The following ANK3 variants were observed in gnomAD, a reference collection of about 807,000 sequenced individuals.
The protein encoded by ANK3 is ankyrin 3, also known as ankyrin-3.
A neutral mutation model predicts 370.9 loss-of-function variants in ANK3; 57 were observed. The ratio of observed to expected loss-of-function variants is 0.15; its 90% CI spans 0.12 to 0.19. The LOEUF (loss-of-function observed/expected upper bound fraction) is 0.19, where lower values mean the gene tolerates loss of function less well. Ranked by LOEUF, ANK3 falls within the 10% of genes least tolerant of loss-of-function variation. The probability of loss-of-function intolerance (pLI) is 1.00; values close to 1 mark genes in which losing one functional copy is unlikely to be tolerated. For missense variants in ANK3, 4,439 were observed against 5,302.1 expected, an observed-to-expected ratio of 0.84 and a Z score of 5.06; for synonymous variants, 1,929 against 1,946.3, an observed-to-expected ratio of 0.99 and a Z score of 0.23.
intron 43 of ANK3, among the ~76,000 whole-genome samples, chr10:60,039,012 T>G (rs1288690540): frequency 6.6e-6 from 1 of 152,198 alleles, no homozygotes; most frequent in Non-Finnish European, 1.5e-5. Flanking sequence ...TTACATTCTT[T>G]CATTGGATCC....
chr10:60,235,512 AATGTACGCATAC>A (rs1050532079), intron 7 of ANK3, among the ~76,000 whole-genome samples: 14 of 151,268 alleles, frequency 9.3e-5, no homozygotes, highest in Admixed American at 9.2e-4. Context: ...CTGTCAAGGA[AATGTACGCATAC>A]ATCAAAAACA....
rs574174376 is a variant in ANK3, at chr10:60,033,843, G to T, written c.*20-4017C>A. 7.3e-5 allele frequency among the ~76,000 whole-genome samples: 11 copies of T among 151,420 alleles called. 1 individual carries two copies. In the South Asian group the frequency reaches 2.3e-3, roughly 32 times the overall value. ...TCTCCAGTGGTTCTCAAACTTGGTT[G>T]CACATTAGACTTACCTGGGAAGATT... On this transcript the variant is annotated intron_variant, in intron 43 of 43. Transcript: ENST00000280772.
chr10:60,514,253 T>A (rs1438893450), intron 2 of ANK3, among the ~76,000 whole-genome samples: 3 of 152,152 alleles, frequency 2.0e-5, no homozygotes, highest in African/African-American at 7.2e-5. Context: ...CAAGAGTTTT[T>A]ACTGTGCAGG....
chr10:60,335,832 A>G (rs750064359), intron 1 of ANK3, among the ~76,000 whole-genome samples: 9 of 152,152 alleles, frequency 5.9e-5, no homozygotes, highest in Non-Finnish European at 1.2e-4. Flanking sequence ...ATTATGCCCA[A>G]TTTACCAATG....
chr10:60,323,602 G>C (rs995530200), intron 1 of ANK3, among the ~76,000 whole-genome samples: 3 of 152,120 alleles, frequency 2.0e-5, no homozygotes, highest in Admixed American at 1.3e-4. Context: ...AAATTTGGTA[G>C]TTATCAATAT....
intron 2 of ANK3, among the ~76,000 whole-genome samples, chr10:60,453,034 G>GT (rs1385783693): frequency 2.0e-4 from 30 of 152,320 alleles, no homozygotes; most frequent in African/African-American, 7.2e-4. Flanking sequence ...CCAATTTGTA[G>GT]TTTTAAAGAA....
intron 1 of ANK3, among the ~76,000 whole-genome samples, chr10:60,689,322 C>T (rs772882001): frequency 1.2e-4 from 19 of 152,116 alleles, no homozygotes; most frequent in Admixed American, 2.6e-4. Flanking sequence ...TCACTTGAGC[C>T]TGGAAGGTCG....
rs1555028777 is a variant in ANK3, at chr10:60,158,685, C to CTTTTTCTTTTTT, written c.2614+7905_2614+7906insAAAAAAGAAAAA. Reference sequence around the variant, plus strand: ...TACTACAAGAGAAAGCACTTTTTTTCTTTTTTTTGAGACAGAATCTCATTC... The same window carrying CTTTTTCTTTTTT: ...TACTACAAGAGAAAGCACTTTTTTTCTTTTTCTTTTTTTTTTTTTTGAGACAGAATCTCATTC... On this transcript the variant is annotated intron_variant, in intron 23 of 43. Transcript: ENST00000280772. 2.7e-3 allele frequency among the ~76,000 whole-genome samples: 355 copies of CTTTTTCTTTTTT among 132,754 alleles called. 3 individuals carry two copies. Among genetic ancestry groups the CTTTTTCTTTTTT allele is most frequent in the Middle Eastern group, 4.2e-3 (1 of 236 alleles). The allele number at this position is 132,754 out of a possible 152,430, so 87.1% of individuals were successfully genotyped here.
At chr10:60,343,088 C>T (rs142254610) in intron 1 of ANK3, among the ~76,000 whole-genome samples, 6 of 152,256 alleles carry the variant, frequency 3.9e-5, no homozygotes, top group Non-Finnish European at 8.8e-5. Flanking sequence ...GACACATACT[C>T]GTGGGTGAGT....
intron 2 of ANK3, among the ~76,000 whole-genome samples, chr10:60,487,768 G>A (rs2075387772): frequency 6.7e-6 from 1 of 148,404 alleles, no homozygotes. Context: ...AGGTTGGAGT[G>A]CCATAGCGCG....
chr10:60,425,889 CA>C (rs1188583987), intron 2 of ANK3, among the ~76,000 whole-genome samples: 3 of 152,030 alleles, frequency 2.0e-5, no homozygotes, highest in Non-Finnish European at 4.4e-5. Flanking sequence ...TAGTCTTTGC[CA>C]ATTACCACGG....
chr10:60,250,510 G>T (rs188897924), intron 7 of ANK3, among the ~76,000 whole-genome samples: 1 of 152,078 alleles, frequency 6.6e-6, no homozygotes, highest in African/African-American at 2.4e-5. Context: ...GACTACAGGT[G>T]CCTGCCACCA....
Position 60,071,514 on chromosome 10 carries a change from T to C in ANK3, c.9367A>G (p.Lys3123Glu). 1 of 1,614,118 alleles carries C rather than the reference T, an allele frequency of 6.2e-7. No individual in the cohort carries two copies. Among genetic ancestry groups the C allele is most frequent in the Non-Finnish European group, 8.5e-7 (1 of 1,179,984 alleles). Reference protein sequence around the residue: ...GVKKIISQECKTVQETRGTFY... With the variant: ...GVKKIISQECETVQETRGTFY... ...GTCCCCCTGGTTTCTTGTACTGTCT[T>C]ACATTCCTGACTTATGATTTTTTTT... The change falls in exon 37 of 44, where the codon AAG becomes GAG. Residue 3123 changes from lysine to glutamate, a missense_variant. This residue lies in a region of ANK3 where 1,601 missense variants were observed against 1,731.7 expected (regional missense o/e 0.92). Coordinates refer to ENST00000280772, the MANE Select transcript of ANK3 (RefSeq NM_020987.5).
At position 60,028,231 on chromosome 10, in the gene ANK3, G is replaced by T. The variant is rs1016146910; in HGVS notation, c.*1615C>A. 3.3e-5 allele frequency: 5 copies of T among 152,408 alleles called. No individual in the cohort carries two copies. The highest frequency in any genetic ancestry group is 1.2e-4 in the African/African-American group (5 of 41,450). The allele number at this position is 152,408 out of a possible 1,614,324, so 9.4% of individuals were successfully genotyped here. On this transcript the variant is annotated 3_prime_UTR_variant, in exon 44 of 44. Coordinates refer to ENST00000280772, the MANE Select transcript of ANK3 (RefSeq NM_020987.5). ...TCTTGGCTCCCCCATGAAATGCACA[G>T]AATTTATAAGCTGGGAGCTTGCAGG...
chr10:60,251,259 T>C (rs1021901220), intron 7 of ANK3, among the ~76,000 whole-genome samples: 7 of 152,210 alleles, frequency 4.6e-5, no homozygotes, highest in African/African-American at 1.7e-4. Flanking sequence ...CAGGGTCTTC[T>C]GACCAACCGC....
intron 1 of ANK3, among the ~76,000 whole-genome samples, chr10:60,334,251 C>T (rs1308263022): frequency 6.6e-6 from 1 of 152,070 alleles, no homozygotes; most frequent in East Asian, 1.9e-4. Context: ...TTTATTTTGA[C>T]CACATAAAAT....
intron 2 of ANK3, among the ~76,000 whole-genome samples, chr10:60,396,880 C>T (rs1594949333): frequency 6.6e-6 from 1 of 152,262 alleles, no homozygotes; most frequent in East Asian, 1.9e-4. Context: ...CTTAACTCTC[C>T]CAACATACAC....
chr10:60,592,585 C>G (rs149545937), intron 2 of ANK3, among the ~76,000 whole-genome samples: 34 of 152,050 alleles, frequency 2.2e-4, no homozygotes, highest in African/African-American at 7.5e-4. Flanking sequence ...CATGGTGAAA[C>G]CTGTCTCTAC....
intron 2 of ANK3, among the ~76,000 whole-genome samples, chr10:60,560,154 T>C (rs1196957658): frequency 6.6e-6 from 1 of 152,212 alleles, no homozygotes; most frequent in Non-Finnish European, 1.5e-5. Context: ...AAACCTTTTA[T>C]ACAAAGATAA....
Sources: allele counts gnomAD v4.1 joint callset (sites outside exome capture counted in the v4.1 genomes callset), GRCh38; gene constraint gnomAD v4.1.1; regional missense constraint gnomAD v4.1.1; transcripts MANE v1.5; gene names NCBI Gene and HGNC (gene_info 2026-07-23, HGNC 2026-07-21).